LAMB2: variants seen among roughly 807,000 people sequenced by gnomAD.
LAMB2 encodes the protein laminin subunit beta-2.
In LAMB2, 119 loss-of-function variants were observed where a neutral mutation model predicts 202.7. The ratio of observed to expected loss-of-function variants is 0.59; its 90% CI spans 0.51 to 0.68. The LOEUF (loss-of-function observed/expected upper bound fraction) is 0.68, where lower values mean the gene tolerates loss of function less well. LAMB2 is among the 30% of genes least tolerant of loss of function. The probability of loss-of-function intolerance (pLI) is 0.00; values close to 1 mark genes in which losing one functional copy is unlikely to be tolerated. For synonymous variants in LAMB2, 818 were observed against 902.2 expected, an observed-to-expected ratio of 0.91 and a Z score of 1.67; for missense variants, 2,124 against 2,410.6, an observed-to-expected ratio of 0.88 and a Z score of 2.49.
rs1409278669 is a variant in LAMB2, at chr3:49,121,554, C to T, written c.5139G>A (p.Val1713=). ...GGGCCTTGCGCTCAGCTAGGGCCTTCACCGTCTGGTACTGATCACCCAGAG... is the reference window on the plus strand; with the variant it reads ...GGGCCTTGCGCTCAGCTAGGGCCTTTACCGTCTGGTACTGATCACCCAGAG... ...RGPLGDQYQT[V]KALAERKAQG... The change falls in exon 31 of 32, where the codon GTG becomes GTA. Residue 1713 remains valine (V), a synonymous_variant. Transcript: ENST00000305544. 1.9e-6 allele frequency: 3 copies of T among 1,614,032 alleles called. No individual in the cohort carries two copies. The highest frequency in any genetic ancestry group is 2.5e-6 in the Non-Finnish European group (3 of 1,180,044).
chr3:49,126,344 G>A (rs1347302738), intron 16 of LAMB2, 21 bp downstream of exon 16: 1 of 1,614,136 alleles, frequency 6.2e-7, no homozygotes, highest in Non-Finnish European at 8.5e-7. Flanking sequence ...TGGTTGGTGT[G>A]GGCAAGAGGA....
chr3:49,127,461 C>T (rs62262519), intron 15 of LAMB2, among the ~76,000 whole-genome samples: 1,831 of 152,064 alleles, frequency 0.012, 17 homozygotes, highest in Non-Finnish European at 0.02. Context: ...TTTGGGAGGC[C>T]GAGAAAGGTG....
At position 49,123,000 on chromosome 3, in the gene LAMB2, G is replaced by T; in HGVS notation, c.4277C>A (p.Ala1426Asp). 1 of 1,608,666 alleles carries T rather than the reference G, an allele frequency of 6.2e-7. No individual in the cohort carries two copies. ...CTGCCCATCCTCATCTCGACAGCCGGCACCCCCACAAGGGCTTGTAGCACA... is the reference window on the plus strand; with the variant it reads ...CTGCCCATCCTCATCTCGACAGCCGTCACCCCCACAAGGGCTTGTAGCACA... Reference protein sequence around the residue: ...APCATSPCGGAGCRDEDGQPR... With the variant: ...APCATSPCGGDGCRDEDGQPR... Residue 1426 changes from alanine to aspartate, a missense_variant, in exon 27 of 32, where the codon GCC becomes GAC. Physicochemically the swap from Ala to Asp is moderately radical, Grantham distance 126. Coordinates refer to ENST00000305544, the MANE Select transcript of LAMB2 (RefSeq NM_002292.4).
Position 49,132,882 on chromosome 3 carries a change from C to G in LAMB2, c.-15G>C. ...GTCAGCTCCATCCTGAAGAGGGGAACAGGGATAAGGGGAGGTGAACGGTCT... is the reference window on the plus strand; with the variant it reads ...GTCAGCTCCATCCTGAAGAGGGGAAGAGGGATAAGGGGAGGTGAACGGTCT... On this transcript the variant is annotated 5_prime_UTR_variant, in exon 1 of 32. Coordinates refer to ENST00000305544, the MANE Select transcript of LAMB2 (RefSeq NM_002292.4). This position sits in a 1 kb window ranked among gnomAD's most constrained non-coding sequence, Gnocchi z 4.6. 1 of 1,612,846 alleles carries G rather than the reference C, an allele frequency of 6.2e-7. No homozygotes were observed. The highest frequency in any genetic ancestry group is 1.1e-5 in the South Asian group (1 of 91,068).
At position 49,123,598 on chromosome 3, in the gene LAMB2, A is replaced by G. The variant is rs764740865; in HGVS notation, c.3831T>C (p.Thr1277=). Residue 1277 remains threonine (T), a synonymous_variant, in exon 25 of 32, where the codon ACT becomes ACC. Coordinates refer to ENST00000305544, the MANE Select transcript of LAMB2 (RefSeq NM_002292.4). ...REIGEATEHL[T]QLEADLTDVQ... is the part of the protein sequence containing the mutation. ...CATCTGTCAGGTCTGCCTCGAGCTG[A>G]GTCAGGTGCTCAGTGGCCTCCCCAA... The G allele has an allele frequency of 6.2e-7, 1 of 1,614,162 alleles. No individual in the cohort carries two copies. The highest frequency in any genetic ancestry group is 2.2e-5 in the East Asian group (1 of 44,888).
rs2045396597 is a variant in LAMB2, at chr3:49,125,092, G to C, written c.2798C>G (p.Pro933Arg). ...QCRPCPCPEG[P>R]GSQRHFATSC... is the part of the protein sequence containing the mutation. ...AGTAGCAAAGTGCCGTTGGCTCCCA[G>C]GGCCTTCAGGACAGGGACAGGGCCG... Residue 933 changes from proline (P) to arginine (R), a missense_variant, in exon 20 of 32, where the codon CCT becomes CGT. Physicochemically the swap from Pro to Arg is moderately radical, Grantham distance 103. This residue lies in a region of LAMB2 where 1,702 missense variants were observed against 1,896.3 expected (regional missense o/e 0.90). Transcript: ENST00000305544. 7.4e-6 allele frequency: 12 copies of C among 1,613,914 alleles called. No homozygotes were observed. The highest frequency in any genetic ancestry group is 1.1e-5 in the South Asian group (1 of 91,090).
rs2045390569 is a variant in LAMB2 at position 49,124,622 on chromosome 3, C to T, written c.3110-10G>A. On this transcript the variant is annotated splice_polypyrimidine_tract_variant and intron_variant, in intron 21 of 31. Transcript: ENST00000305544. The stretch of plus-strand genomic sequence containing the variant: ...AGGTTGCATGTGCAGCCTGTGCCAA[C>T]CAAGATGAGCACAGTAGTCAAGAGG... 1 of 1,613,570 alleles carries T rather than the reference C, an allele frequency of 6.2e-7. No individual in the cohort carries two copies.
Position 49,124,487 on chromosome 3 carries a change from A to C in LAMB2, c.3235T>G (p.Cys1079Gly). 1 of 1,613,780 alleles carries C rather than the reference A, an allele frequency of 6.2e-7. No homozygotes were observed. The highest frequency in any genetic ancestry group is 8.5e-7 in the Non-Finnish European group (1 of 1,180,024). ...PNVQGPSCDR[C>G]APNFWNLTSG... The stretch of plus-strand genomic sequence containing the variant: ...GTGAGGTTCCAGAAGTTGGGGGCAC[A>C]GCGGTCACAGCTAGGGCCCTGGACA... Residue 1079 changes from cysteine to glycine, a missense_variant, in exon 22 of 32, where the codon TGT becomes GGT. Cys to Gly is a radical substitution (Grantham distance 159). Coordinates refer to ENST00000305544, the MANE Select transcript of LAMB2 (RefSeq NM_002292.4).
chr3:49,124,291 G>C lies in LAMB2; in HGVS notation c.3328-5C>G, dbSNP rs748132281. ...GCAGTGGCACTGCCCTGTGAACTGG[G>C]GTGGGAACAAGGCAGGGTCAGAGCC... On this transcript the variant is annotated splice_region_variant and splice_polypyrimidine_tract_variant and intron_variant, in intron 22 of 31. Coordinates refer to ENST00000305544, the MANE Select transcript of LAMB2 (RefSeq NM_002292.4). 6.2e-7 allele frequency: 1 copy of C among 1,613,984 alleles called. No individual in the cohort carries two copies. Among genetic ancestry groups the C allele is most frequent in the Non-Finnish European group, 8.5e-7 (1 of 1,180,014 alleles).
Position 49,122,863 on chromosome 3 carries a change from T to C in LAMB2, c.4414A>G (p.Ser1472Gly). The change falls in exon 27 of 32, where the codon AGC (serine) becomes GGC (glycine). Residue 1472 changes from serine to glycine, a missense_variant. By Grantham distance (56) the Ser-to-Gly change is moderately conservative. Around this residue, in one of 3 missense-constraint regions of LAMB2, gnomAD observed 1,702 missense variants for 1,896.3 expected, o/e 0.90. Coordinates refer to ENST00000305544, the MANE Select transcript of LAMB2 (RefSeq NM_002292.4). Reference sequence around the variant, plus strand: ...GTCTCAGCCACTCTGCTGAGGATGCTACCACCTTCTGCCAGTGCCCGCTGC... The same window carrying C: ...GTCTCAGCCACTCTGCTGAGGATGCCACCACCTTCTGCCAGTGCCCGCTGC... The part of the protein sequence containing the change: ...ELQRALAEGG[S>G]ILSRVAETRR... 2.5e-6 allele frequency: 4 copies of C among 1,611,448 alleles called. No homozygotes were observed. The highest frequency in any genetic ancestry group is 3.4e-6 in the Non-Finnish European group (4 of 1,179,928).
chr3:49,124,530 C>G lies in LAMB2; in HGVS notation c.3192G>C (p.Gln1064His), dbSNP rs1553778039. 1.2e-6 allele frequency: 2 copies of G among 1,613,842 alleles called. No homozygotes were observed. Among genetic ancestry groups the G allele is most frequent in the Admixed American group, 1.7e-5 (1 of 60,030 alleles). The change falls in exon 22 of 32, where the codon CAG becomes CAC. Residue 1064 changes from glutamine to histidine, a missense_variant. Physicochemically the swap from Gln to His is conservative, Grantham distance 24. Coordinates refer to ENST00000305544, the MANE Select transcript of LAMB2 (RefSeq NM_002292.4). ...DQCHCDPSSG[Q>H]CPCLPNVQGP... ...CCTGGACATTGGGGAGGCATGGGCACTGCCCACTGCTTGGATCACAGTGGC... is the reference window on the plus strand; with the variant it reads ...CCTGGACATTGGGGAGGCATGGGCAGTGCCCACTGCTTGGATCACAGTGGC...
In LAMB2 at chr3:49,121,988, C is replaced by T. The variant is rs2045289973; in HGVS notation, c.4879G>A (p.Gly1627Arg). The change falls in exon 29 of 32, where the codon GGG becomes AGG. Residue 1627 changes from glycine to arginine, a missense_variant. By Grantham distance (125) the Gly-to-Arg change is moderately radical (BLOSUM62 -2). This residue lies in a region of LAMB2 where 1,702 missense variants were observed against 1,896.3 expected (regional missense o/e 0.90). Transcript: ENST00000305544. The part of the protein sequence containing the change: ...AQGIAQGAIR[G>R]AVADTRDTEQ... ...GTGTCCCGTGTGTCAGCCACTGCCC[C>T]CCGGATGGCACCCTGGGCAATACCC... 6.2e-7 allele frequency: 1 copy of T among 1,613,870 alleles called. No individual in the cohort carries two copies. The highest frequency in any genetic ancestry group is 1.3e-5 in the African/African-American group (1 of 74,938).
chr3:49,124,959 A>G (rs756826940), intron 20 of LAMB2, 34 bp from the exon 21 acceptor site: 7 of 1,613,888 alleles, frequency 4.3e-6, no homozygotes, highest in South Asian at 1.1e-5. Context: ...GTGAGTGCTC[A>G]GCCCAGCCAA....
In LAMB2 at chr3:49,126,385, G is replaced by A; in HGVS notation, c.2131C>T (p.Pro711Ser). 1 of 1,614,168 alleles carries A rather than the reference G, an allele frequency of 6.2e-7. No homozygotes were observed. Among genetic ancestry groups the A allele is most frequent in the Middle Eastern group, 1.6e-4 (1 of 6,062 alleles). Residue 711 changes from proline (P) to serine (S), a missense_variant, in exon 16 of 32, where the codon CCT (proline) becomes TCT (serine). By Grantham distance (74) the Pro-to-Ser change is moderately conservative. Transcript: ENST00000305544. Reference protein sequence around the residue: ...SAQPETPYSGPGLLIDSLVLL... With the variant: ...SAQPETPYSGSGLLIDSLVLL... ...TTCACCGAGTCAATGAGCAGGCCAG[G>A]TCCAGAGTAGGGAGTCTCAGGCTGG... is the stretch of plus-strand genomic sequence containing the variant.
Position 49,128,018 on chromosome 3 carries a change from C to CAA in LAMB2, c.2018+438_2018+439dup, listed in dbSNP as rs1156873652. ...CTGGTGACAGAGCGAGACTCCGTCT[C>CAA]AAAAAAAAAAAAAAAAAAAAAGAAA... On this transcript the variant is annotated intron_variant, in intron 15 of 31. Transcript: ENST00000305544. Among the ~76,000 whole-genome samples the CAA allele has an allele frequency of 1.9e-3, 61 of 32,642 alleles. 1 individual carries two copies. The highest frequency in any genetic ancestry group is 2.2e-3 in the Non-Finnish European group (37 of 16,886). 21.4% of individuals were successfully genotyped at this position (32,642 alleles called of 152,430 possible). A position where few individuals can be genotyped will look rare whatever the true frequency, so the allele number is the denominator to read the frequency against.
Position 49,121,990 on chromosome 3 carries a change from C to T in LAMB2, c.4877G>A (p.Arg1626Gln), listed in dbSNP as rs752674803. 1.4e-5 allele frequency: 22 copies of T among 1,613,936 alleles called. No homozygotes were observed. Among genetic ancestry groups the T allele is most frequent in the Admixed American group, 6.7e-5 (4 of 60,032 alleles). Reference protein sequence around the residue: ...RAQGIAQGAIRGAVADTRDTE... With the variant: ...RAQGIAQGAIQGAVADTRDTE... ...GTCCCGTGTGTCAGCCACTGCCCCCCGGATGGCACCCTGGGCAATACCCTG... is the reference window on the plus strand; with the variant it reads ...GTCCCGTGTGTCAGCCACTGCCCCCTGGATGGCACCCTGGGCAATACCCTG... Residue 1626 changes from arginine to glutamine, a missense_variant, in exon 29 of 32, where the codon CGG (arginine) becomes CAG (glutamine). By Grantham distance (43) the Arg-to-Gln change is conservative (BLOSUM62 1). Around this residue, in one of 3 missense-constraint regions of LAMB2, gnomAD observed 1,702 missense variants for 1,896.3 expected, o/e 0.90. Transcript: ENST00000305544.
Position 49,124,690 on chromosome 3 carries a change from C to T in LAMB2, c.3109+11G>A, listed in dbSNP as rs2045391272. On this transcript the variant is annotated intron_variant, in intron 21 of 31. Coordinates refer to ENST00000305544, the MANE Select transcript of LAMB2 (RefSeq NM_002292.4). The stretch of plus-strand genomic sequence containing the variant: ...CCCAATTCAGCCATGCCCTCCCACA[C>T]TCATACTCACGGTGACAGCTCTGTC... 1.2e-6 allele frequency: 2 copies of T among 1,614,022 alleles called. No homozygotes were observed. The highest frequency in any genetic ancestry group is 1.3e-5 in the African/African-American group (1 of 74,938).
chr3:49,124,028 G>A lies in LAMB2; in HGVS notation c.3497C>T (p.Pro1166Leu). 6.2e-7 allele frequency: 1 copy of A among 1,613,668 alleles called. No individual in the cohort carries two copies. The highest frequency in any genetic ancestry group is 2.2e-5 in the East Asian group (1 of 44,892). Residue 1166 changes from proline (P) to leucine (L), a missense_variant, in exon 24 of 32, where the codon CCA becomes CTA. This residue lies in a region of LAMB2 where 1,702 missense variants were observed against 1,896.3 expected (regional missense o/e 0.90). Coordinates refer to ENST00000305544, the MANE Select transcript of LAMB2 (RefSeq NM_002292.4). ...GTCACAGCGCACACCAGACACCCCT[G>A]GGCGGCAGCTGCAGTGACCTGTGAA... is the stretch of plus-strand genomic sequence containing the variant. ...HRFTGHCSCR[P>L]GVSGVRCDQC...
In LAMB2 at chr3:49,123,021, G is replaced by C; in HGVS notation, c.4256C>G (p.Ala1419Gly). 1 of 1,608,168 alleles carries C rather than the reference G, an allele frequency of 6.2e-7. No homozygotes were observed. Among genetic ancestry groups the C allele is most frequent in the Non-Finnish European group, 8.5e-7 (1 of 1,179,988 alleles). Residue 1419 changes from alanine to glycine, a missense_variant, in exon 27 of 32, where the codon GCT becomes GGT. By Grantham distance (60) the Ala-to-Gly change is moderately conservative. This residue lies in a region of LAMB2 where 1,702 missense variants were observed against 1,896.3 expected (regional missense o/e 0.90). Coordinates refer to ENST00000305544, the MANE Select transcript of LAMB2 (RefSeq NM_002292.4). ...VCGAPGDAPC[A>G]TSPCGGAGCR... ...GCCGGCACCCCCACAAGGGCTTGTA[G>C]CACAGGGTGCATCCCCTGGTGCCCC...
Sources: gnomAD v4.1 joint callset for allele counts (sites outside exome capture counted in the v4.1 genomes callset) on GRCh38, gnomAD v4.1.1 for gene constraint, gnomAD v4.1.1 regional missense constraint, Gnocchi (gnomAD v3.1) non-coding constraint, MANE v1.5 for transcripts, NCBI Gene and HGNC (gene_info 2026-07-23, HGNC 2026-07-21) for gene names.